The following DLGAP2 variants were observed in gnomAD, a reference collection of about 807,000 sequenced individuals.
The protein encoded by DLGAP2 is DLG associated protein 2, also known as disks large-associated protein 2.
A neutral mutation model predicts 100.3 loss-of-function variants in DLGAP2; 26 were observed. The ratio of observed to expected loss-of-function variants is 0.26; its 90% confidence interval spans 0.19 to 0.36. The LOEUF (loss-of-function observed/expected upper bound fraction) is 0.36. DLGAP2 is among the 10% of genes least tolerant of loss of function. The pLI, the probability that DLGAP2 is intolerant of heterozygous loss-of-function variation, is 1.00. For missense variants in DLGAP2, 1,858 were observed against 1,453.2 expected (o/e 1.28, Z -4.53); for synonymous variants, 886 against 630.1 (o/e 1.41, Z -6.08).
intron 3 of DLGAP2, among the ~76,000 whole-genome samples, chr8:1,287,466 T>C (rs1799952973): frequency 2.5e-5 from 2 of 81,016 alleles, no homozygotes; most frequent in Admixed American, 1.3e-4. Flanking sequence ...CTAGTTTCGG[T>C]TCAGCGTGTG....
chr8:1,557,981 G>A (rs1802021661), intron 5 of DLGAP2, among the ~76,000 whole-genome samples: 1 of 152,226 alleles, frequency 6.6e-6, no homozygotes, highest in Non-Finnish European at 1.5e-5. Flanking sequence ...CCCAAGGAGG[G>A]GTGTGGGGAA....
chr8:1,641,915 G>T (rs1797913966), intron 8 of DLGAP2, among the ~76,000 whole-genome samples: 1 of 132,866 alleles, frequency 7.5e-6, no homozygotes, highest in Non-Finnish European at 1.6e-5. Context: ...GACCCCGCCG[G>T]CCCTCACCTG....
intron 3 of DLGAP2, among the ~76,000 whole-genome samples, chr8:1,342,929 G>C (rs1370471504): frequency 4.6e-5 from 7 of 151,026 alleles, no homozygotes; most frequent in Admixed American, 3.3e-4. Context: ...CCAGGCACCA[G>C]CTGTTTCTCT....
rs571017789 is a variant in DLGAP2, at chr8:1,449,051, A to G, written c.107-52315A>G. Among the ~76,000 whole-genome samples the G allele has an allele frequency of 3.3e-5, 5 of 152,336 alleles. No individual in the cohort carries two copies. In the East Asian group the frequency reaches 9.6e-4, roughly 29 times the overall value. On this transcript the variant is annotated intron_variant, in intron 3 of 14. Transcript: ENST00000637795. Reference sequence around the variant, plus strand: ...AGGCTCAGCACGGGTCAGGGACGGCACATCCCGGCCCCCCAGAGCAGCTCT... The same window carrying G: ...AGGCTCAGCACGGGTCAGGGACGGCGCATCCCGGCCCCCCAGAGCAGCTCT...
intron 3 of DLGAP2, among the ~76,000 whole-genome samples, chr8:1,493,980 C>T (rs1799468493): frequency 6.6e-6 from 1 of 152,224 alleles, no homozygotes; most frequent in Admixed American, 6.5e-5. Context: ...TATCTCCTGA[C>T]CACGGAGGGG....
intron 1 of DLGAP2, among the ~76,000 whole-genome samples, chr8:780,982 T>A (rs1821668998): frequency 6.6e-6 from 1 of 152,244 alleles, no homozygotes; most frequent in Non-Finnish European, 1.5e-5. Context: ...GGCAATGAAT[T>A]ACATTTCTCT....
chr8:1,554,276 A>G (rs1470422764), intron 5 of DLGAP2, among the ~76,000 whole-genome samples: 1 of 150,720 alleles, frequency 6.6e-6, no homozygotes, highest in East Asian at 1.9e-4. Flanking sequence ...TGACAGAGCA[A>G]GACTCCATCT....
chr8:1,583,988 T>G (rs1757802778), intron 6 of DLGAP2, among the ~76,000 whole-genome samples: 1 of 152,088 alleles, frequency 6.6e-6, no homozygotes, highest in African/African-American at 2.4e-5. Context: ...CTGGGAAGGC[T>G]CCCTGGAGTT....
chr8:986,225 A>G (rs1800483293), intron 2 of DLGAP2, among the ~76,000 whole-genome samples: 1 of 152,180 alleles, frequency 6.6e-6, no homozygotes, highest in Admixed American at 6.5e-5. Flanking sequence ...GATGTTTAGC[A>G]CAGCAGGGGT....
intron 3 of DLGAP2, among the ~76,000 whole-genome samples, chr8:1,280,838 C>G (rs1252420879): frequency 6.6e-6 from 1 of 152,182 alleles, no homozygotes; most frequent in South Asian, 2.1e-4. Context: ...GACACATAGG[C>G]CATCCTAGGG....
intron 2 of DLGAP2, among the ~76,000 whole-genome samples, chr8:1,247,277 G>T (rs1480873783): frequency 8.5e-6 from 1 of 117,048 alleles, no homozygotes; most frequent in Non-Finnish European, 1.7e-5. Flanking sequence ...GAGTGAGATG[G>T]TCCACATCGG....
intron 3 of DLGAP2, among the ~76,000 whole-genome samples, chr8:1,267,629 T>TAAAAA (rs1563052123): frequency 2.3e-4 from 4 of 17,282 alleles, no homozygotes; most frequent in African/African-American, 1.5e-3. Flanking sequence ...AAGATAAATA[T>TAAAAA]TAAATAGGTC....
intron 2 of DLGAP2, among the ~76,000 whole-genome samples, chr8:1,214,341 G>C (rs945181098): frequency 2.0e-5 from 3 of 152,226 alleles, no homozygotes; most frequent in African/African-American, 7.2e-5. Flanking sequence ...TCGTTTTTCC[G>C]TGAGCAGCCC....
chr8:1,342,571 G>C (rs1419376491), intron 3 of DLGAP2, among the ~76,000 whole-genome samples: 1 of 152,170 alleles, frequency 6.6e-6, no homozygotes, highest in African/African-American at 2.4e-5. Context: ...GGTAAGTTTC[G>C]ATTCCTGACA....
chr8:1,233,565 A>C (rs928802158), intron 2 of DLGAP2, among the ~76,000 whole-genome samples: 17 of 152,206 alleles, frequency 1.1e-4, no homozygotes, highest in Non-Finnish European at 1.8e-4. Context: ...AGGCCACTCA[A>C]GGGGACCTGA....
At chr8:1,171,892 T>C (rs1001142558) in intron 2 of DLGAP2, among the ~76,000 whole-genome samples, 18 of 152,212 alleles carry the variant, frequency 1.2e-4, no homozygotes, top group Non-Finnish European at 4.4e-5. Flanking sequence ...CATTTAAAGT[T>C]AATATTGTTA....
chr8:1,050,379 T>C (rs1802643976), intron 2 of DLGAP2, among the ~76,000 whole-genome samples: 1 of 152,176 alleles, frequency 6.6e-6, no homozygotes, highest in Non-Finnish European at 1.5e-5. Flanking sequence ...TCCAACACTT[T>C]AGTATAAAAC....
At chr8:1,166,067 A>T (rs550544012) in intron 2 of DLGAP2, among the ~76,000 whole-genome samples, 3 of 152,248 alleles carry the variant, frequency 2.0e-5, no homozygotes, top group Admixed American at 2.0e-4. Flanking sequence ...GCCCAAGGTT[A>T]TCTAAAGAGG....
In DLGAP2 at chr8:1,457,496, C is replaced by G. The variant is rs1421879750; in HGVS notation, c.107-43870C>G. 3.3e-5 allele frequency among the ~76,000 whole-genome samples: 5 copies of G among 152,270 alleles called. No homozygotes were observed. In the East Asian group the frequency reaches 7.7e-4, roughly 24 times the overall value. ...AGGTTTGTATCCTTAACTAGTAGCC[C>G]AGAAATCTACTTTGAATACTAATAG... is the stretch of plus-strand genomic sequence containing the variant. On this transcript the variant is annotated intron_variant, in intron 3 of 14. Transcript: ENST00000637795.
Sources: allele counts gnomAD v4.1 joint callset (sites outside exome capture counted in the v4.1 genomes callset), GRCh38; gene constraint gnomAD v4.1.1; transcripts MANE v1.5; gene names NCBI Gene and HGNC (gene_info 2026-07-23, HGNC 2026-07-21).